KDM4C: variants seen among roughly 807,000 people sequenced by gnomAD.
KDM4C encodes the protein lysine-specific demethylase 4C.
KDM4C carries 81 observed loss-of-function variants against 129.3 expected under a neutral mutation model. The ratio of observed to expected loss-of-function variants is 0.63; its 90% CI spans 0.52 to 0.75. The LOEUF is 0.75. KDM4C is among the 30% of genes least tolerant of loss of function. KDM4C has a pLI of 0.00. For missense variants in KDM4C, 1,457 were observed against 1,304.0 expected (o/e 1.12, Z -1.81); for synonymous variants, 573 against 456.1 (o/e 1.26, Z -3.26).
At chr9:6,869,622 C>G (rs1842559063) in intron 5 of KDM4C, among the ~76,000 whole-genome samples, 1 of 152,188 alleles carries the variant, frequency 6.6e-6, no homozygotes, top group African/African-American at 2.4e-5. Flanking sequence ...CTGACATTGC[C>G]CTTCAGAATT....
At chr9:6,734,832 A>G (rs533518141) in intron 1 of KDM4C, 8 of 483,120 alleles carry the variant, frequency 1.7e-5, no homozygotes, top group Non-Finnish European at 2.9e-5. Context: ...TACAGGATCA[A>G]CTACTGAATG....
At chr9:7,015,072 C>T (rs773992994) in intron 14 of KDM4C, among the ~76,000 whole-genome samples, 4 of 152,068 alleles carry the variant, frequency 2.6e-5, no homozygotes, top group African/African-American at 4.8e-5. Context: ...TACACATATG[C>T]TTTAACTCAT....
chr9:6,965,656 G>A (rs1830828652), intron 8 of KDM4C, among the ~76,000 whole-genome samples: 1 of 152,214 alleles, frequency 6.6e-6, no homozygotes, highest in Non-Finnish European at 1.5e-5. Flanking sequence ...GGTGTGGTCT[G>A]AAGGCAGAAG....
At chr9:7,147,963 T>C (rs1409324548) in intron 19 of KDM4C, among the ~76,000 whole-genome samples, 1 of 152,198 alleles carries the variant, frequency 6.6e-6, no homozygotes, top group Non-Finnish European at 1.5e-5. Flanking sequence ...CTCATGCTAC[T>C]GGCCCGGATC....
intron 21 of KDM4C, 85 bp from the exon 22 acceptor site, chr9:7,174,468 C>T: frequency 7.3e-7 from 1 of 1,360,758 alleles, no homozygotes; most frequent in Non-Finnish European, 1.0e-6. Flanking sequence ...GCACCCTAAC[C>T]CCAGCTGACC....
chr9:6,756,928 C>A (rs1416839001), upstream of KDM4C, among the ~76,000 whole-genome samples: 1 of 152,168 alleles, frequency 6.6e-6, no homozygotes, highest in Non-Finnish European at 1.5e-5. Context: ...ACAGAAAATT[C>A]AGCATATTAG....
intron 4 of KDM4C, among the ~76,000 whole-genome samples, chr9:6,827,581 G>T (rs1834101809): frequency 6.6e-6 from 1 of 152,160 alleles, no homozygotes; most frequent in Non-Finnish European, 1.5e-5. Context: ...TGAGGCTGTG[G>T]GTTTCCAAAT....
intron 17 of KDM4C, among the ~76,000 whole-genome samples, chr9:7,098,475 C>G (rs564033935): frequency 6.6e-6 from 1 of 152,274 alleles, no homozygotes; most frequent in South Asian, 2.1e-4. Context: ...TAAGAAATAA[C>G]TTTTGGGGAA....
intron 19 of KDM4C, among the ~76,000 whole-genome samples, chr9:7,129,801 A>G (rs1840419938): frequency 6.6e-6 from 1 of 152,202 alleles, no homozygotes; most frequent in Non-Finnish European, 1.5e-5. Flanking sequence ...CACTGCTCCA[A>G]GAACTGGAAC....
intron 1 of KDM4C, among the ~76,000 whole-genome samples, chr9:6,766,358 C>T (rs77125703): frequency 0.074 from 11,159 of 151,776 alleles, 596 homozygotes; most frequent in Non-Finnish European, 0.11. Flanking sequence ...GTATGATAAT[C>T]GTACAAAAAG....
chr9:7,094,797 A>G (rs1836228901), intron 17 of KDM4C, among the ~76,000 whole-genome samples: 1 of 152,198 alleles, frequency 6.6e-6, no homozygotes, highest in Non-Finnish European at 1.5e-5. Context: ...TTTCAACTCA[A>G]TCATAAATTT....
chr9:6,935,976 T>TAA (rs138778913), intron 8 of KDM4C, among the ~76,000 whole-genome samples: 11,295 of 152,212 alleles, frequency 0.074, 1,142 homozygotes, highest in African/African-American at 0.23. Context: ...TAGTAAAAGC[T>TAA]ATTGAATTAC....
chr9:7,172,892 C>G (rs899377681), intron 21 of KDM4C, among the ~76,000 whole-genome samples: 5 of 152,228 alleles, frequency 3.3e-5, no homozygotes, highest in Non-Finnish European at 5.9e-5. Context: ...AGTCATCCAC[C>G]TCAGTGAAAA....
At chr9:7,122,709 A>G (rs4742311) in intron 18 of KDM4C, among the ~76,000 whole-genome samples, 90,534 of 151,900 alleles carry the variant, frequency 0.6, 27,207 homozygotes, top group Admixed American at 0.72. Flanking sequence ...TTTTTACTTA[A>G]CATTTTGGCC....
At position 6,886,102 on chromosome 9, in the gene KDM4C, G is replaced by C. The variant is rs569216719; in HGVS notation, c.680-1858G>C. 1.9e-4 allele frequency among the ~76,000 whole-genome samples: 29 copies of C among 152,282 alleles called. No individual in the cohort carries two copies. The South Asian group carries it at 5.2e-3, about 27-fold the overall frequency. On this transcript the variant is annotated intron_variant, in intron 6 of 21. Coordinates refer to ENST00000381309, the MANE Select transcript of KDM4C (RefSeq NM_015061.6). ...AACGTTCCCATGGATTGTGCATTTG[G>C]GGACTGCCCCTTGGTGCCCTTCTCT...
chr9:6,874,192 G>A (rs1843232349), intron 5 of KDM4C, among the ~76,000 whole-genome samples: 1 of 152,194 alleles, frequency 6.6e-6, no homozygotes, highest in Non-Finnish European at 1.5e-5. Context: ...TTGGAAAAAT[G>A]CCACAGATAG....
chr9:6,859,843 C>T (rs1340641771), intron 5 of KDM4C, among the ~76,000 whole-genome samples: 2 of 141,936 alleles, frequency 1.4e-5, no homozygotes, highest in Non-Finnish European at 1.5e-5. Context: ...CCAGCCTGGG[C>T]GACACAGCGA....
chr9:6,906,797 AT>A (rs60262363), intron 8 of KDM4C, among the ~76,000 whole-genome samples: 6,972 of 152,248 alleles, frequency 0.046, 266 homozygotes, highest in East Asian at 0.19. Context: ...GCATTACATG[AT>A]TTTTGTAGTT....
intron 1 of KDM4C, among the ~76,000 whole-genome samples, chr9:6,732,125 G>A (rs34089484): frequency 0.087 from 13,270 of 151,698 alleles, 744 homozygotes; most frequent in Non-Finnish European, 0.12. Flanking sequence ...CCCAGCACTT[G>A]GGAGGCCAAG....
Sources: allele counts gnomAD v4.1 joint callset (sites outside exome capture counted in the v4.1 genomes callset), GRCh38; gene constraint gnomAD v4.1.1; transcripts MANE v1.5; gene names NCBI Gene and HGNC (gene_info 2026-07-23, HGNC 2026-07-21).